The following TBC1D4 variants were observed in gnomAD, a reference collection of about 807,000 sequenced individuals.
TBC1D4 encodes TBC (Tre-2, BUB2, CDC16) domain-containing protein.
A neutral mutation model predicts 142.5 loss-of-function variants in TBC1D4; 121 were observed. That is an observed-to-expected ratio of 0.85 (90% CI 0.73 to 0.99). TBC1D4 has a LOEUF of 0.99. TBC1D4 is among the 50% of genes least tolerant of loss of function. The pLI, the probability that TBC1D4 is intolerant of heterozygous loss-of-function variation, is 0.00. For synonymous variants in TBC1D4, 630 were observed against 628.2 expected (o/e 1.00, Z -0.04); for missense variants, 1,475 against 1,606.6 (o/e 0.92, Z 1.40).
chr13:75,437,153 G>A (rs559368872), intron 1 of TBC1D4, among the ~76,000 whole-genome samples: 1 of 152,212 alleles, frequency 6.6e-6, no homozygotes, highest in East Asian at 1.9e-4. Flanking sequence ...AGGCCTAAAG[G>A]GGTATTACTG....
At chr13:75,374,037 G>C (rs1002586592) in intron 1 of TBC1D4, among the ~76,000 whole-genome samples, 1 of 152,112 alleles carries the variant, frequency 6.6e-6, no homozygotes, top group African/African-American at 2.4e-5. Flanking sequence ...ACACATATCT[G>C]ACTTGAAATC....
At position 75,306,437 on chromosome 13, in the gene TBC1D4, T is replaced by C. The variant is rs1183664090; in HGVS notation, c.2628A>G (p.Lys876=). 1 of 1,613,348 alleles carries C rather than the reference T, an allele frequency of 6.2e-7. No individual in the cohort carries two copies. The highest frequency in any genetic ancestry group is 1.3e-5 in the African/African-American group (1 of 74,908). The change falls in exon 15 of 21, where the codon AAA becomes AAG. Residue 876 remains lysine, a synonymous_variant. Coordinates refer to ENST00000377636, the MANE Select transcript of TBC1D4 (RefSeq NM_014832.5). ...ATGCACCAACTTCTTCATAGTCTAA[T>C]TTAACTTTTCTGGACTGGAGTTCAT... ...SRDELQSRKV[K]LDYEEVGACQ...
intron 1 of TBC1D4, among the ~76,000 whole-genome samples, chr13:75,398,135 G>A (rs749137443): frequency 6.6e-6 from 1 of 152,198 alleles, no homozygotes; most frequent in Non-Finnish European, 1.5e-5. Context: ...TACCTTGGAC[G>A]TTCTAGTCCT....
intron 1 of TBC1D4, among the ~76,000 whole-genome samples, chr13:75,446,219 T>C (rs181160018): frequency 9.8e-5 from 15 of 152,358 alleles, no homozygotes; most frequent in Admixed American, 8.5e-4. Context: ...GCTGGAATTA[T>C]GCTGCACTTT....
At chr13:75,317,178 C>T (rs969669788) in intron 12 of TBC1D4, among the ~76,000 whole-genome samples, 2 of 152,198 alleles carry the variant, frequency 1.3e-5, no homozygotes, top group Non-Finnish European at 2.9e-5. Context: ...GGCACTGCAG[C>T]TGATCCTGCC....
intron 1 of TBC1D4, among the ~76,000 whole-genome samples, chr13:75,418,166 A>C (rs1886000645): frequency 6.6e-6 from 1 of 152,210 alleles, no homozygotes; most frequent in Non-Finnish European, 1.5e-5. Flanking sequence ...GATTCATTTA[A>C]AATTAAGGTA....
rs572935242 is a variant in TBC1D4 at position 75,340,790 on chromosome 13, T to C, written c.1611+335A>G. 1.1e-4 allele frequency among the ~76,000 whole-genome samples: 17 copies of C among 152,004 alleles called. No homozygotes were observed. The South Asian group carries it at 2.3e-3, about 20-fold the overall frequency. The stretch of plus-strand genomic sequence containing the variant: ...GGAGAAACCCCGTCTCTACTAAAAA[T>C]ACAAAATTAGCCGGGTGTGGTGGTG... On this transcript the variant is annotated intron_variant, in intron 7 of 20. Transcript: ENST00000377636.
At chr13:75,396,224 A>C (rs1884790472) in intron 1 of TBC1D4, among the ~76,000 whole-genome samples, 1 of 152,232 alleles carries the variant, frequency 6.6e-6, no homozygotes, top group Non-Finnish European at 1.5e-5. Context: ...CATTATACTA[A>C]AACAATAAAG....
At chr13:75,416,473 A>C (rs1885921803) in intron 1 of TBC1D4, among the ~76,000 whole-genome samples, 1 of 152,238 alleles carries the variant, frequency 6.6e-6, no homozygotes, top group Admixed American at 6.5e-5. Context: ...AAGTGCTGAC[A>C]GCTGAGACAT....
chr13:75,417,369 C>T lies in TBC1D4; in HGVS notation c.499-54762G>A, dbSNP rs944108752. ...CACCACCTGCCCCGGGTAAGTGCTA[C>T]CTGGGAGGAGTAACACTGCCCTTTG... On this transcript the variant is annotated intron_variant, in intron 1 of 20. Transcript: ENST00000377636. 2.0e-5 allele frequency among the ~76,000 whole-genome samples: 3 copies of T among 152,282 alleles called. 1 individual carries two copies. The Middle Eastern group carries it at 0.01, about 518-fold the overall frequency.
chr13:75,455,008 T>C (rs557669610), intron 1 of TBC1D4, among the ~76,000 whole-genome samples: 5 of 152,334 alleles, frequency 3.3e-5, no homozygotes, highest in Admixed American at 2.0e-4. Flanking sequence ...GTTAAATATA[T>C]GACTACTCTT....
At chr13:75,290,345 G>A (rs1213508733) in intron 19 of TBC1D4, among the ~76,000 whole-genome samples, 1 of 151,968 alleles carries the variant, frequency 6.6e-6, no homozygotes, top group African/African-American at 2.4e-5. Flanking sequence ...CTTAATATCA[G>A]CATTTCATTC....
intron 14 of TBC1D4, among the ~76,000 whole-genome samples, chr13:75,308,874 C>A (rs1877453230): frequency 6.6e-6 from 1 of 152,124 alleles, no homozygotes; most frequent in Non-Finnish European, 1.5e-5. Context: ...ACTTTTCACT[C>A]TGCTAACAGC....
intron 18 of TBC1D4, 99 bp from the exon 19 acceptor site, chr13:75,292,370 T>C: frequency 9.4e-7 from 1 of 1,066,896 alleles, no homozygotes; most frequent in African/African-American, 1.6e-5. Context: ...TTGTTTTATG[T>C]ATTTTGCAGA....
intron 1 of TBC1D4, among the ~76,000 whole-genome samples, chr13:75,464,391 TG>T (rs1566509407): frequency 6.6e-6 from 1 of 152,248 alleles, no homozygotes; most frequent in African/African-American, 2.4e-5. Flanking sequence ...ATGAGCAATC[TG>T]TGCCTTAAGG....
intron 7 of TBC1D4, among the ~76,000 whole-genome samples, chr13:75,340,713 G>A (rs1394879279): frequency 2.0e-5 from 3 of 152,116 alleles, no homozygotes; most frequent in African/African-American, 4.8e-5. Context: ...TTGGGAGGCC[G>A]AGGCGGGGGG....
chr13:75,365,832 A>G (rs1037960419), intron 1 of TBC1D4, among the ~76,000 whole-genome samples: 1 of 152,208 alleles, frequency 6.6e-6, no homozygotes, highest in African/African-American at 2.4e-5. Flanking sequence ...AAGAACTTGA[A>G]TGAATGCTGA....
At chr13:75,367,516 G>C (rs1882988541) in intron 1 of TBC1D4, among the ~76,000 whole-genome samples, 2 of 150,356 alleles carry the variant, frequency 1.3e-5, no homozygotes, top group Non-Finnish European at 1.5e-5. Context: ...GCAAGATTTA[G>C]AGAAGTGTAA....
chr13:75,387,083 A>T (rs1283220844), intron 1 of TBC1D4, among the ~76,000 whole-genome samples: 2 of 152,006 alleles, frequency 1.3e-5, no homozygotes, highest in Non-Finnish European at 2.9e-5. Context: ...TTATTAACTC[A>T]CTTAATATAA....
Sources: allele counts gnomAD v4.1 joint callset (sites outside exome capture counted in the v4.1 genomes callset), GRCh38; gene constraint gnomAD v4.1.1; transcripts MANE v1.5; gene names NCBI Gene and HGNC (gene_info 2026-07-23, HGNC 2026-07-21).